The following TXNDC16 variants were observed in gnomAD, a reference collection of about 807,000 sequenced individuals.
TXNDC16 encodes thioredoxin domain containing 16.
Under a neutral mutation model 85.6 loss-of-function variants are expected in TXNDC16, and 74 were observed. The observed-to-expected ratio is 0.86, with a 90% CI of 0.72 to 1.05. TXNDC16 has a LOEUF of 1.05. Ranked by LOEUF, TXNDC16 falls within the 50% of genes least tolerant of loss-of-function variation. The pLI, the probability that TXNDC16 is intolerant of heterozygous loss-of-function variation, is 0.00. For missense variants in TXNDC16, 959 were observed against 947.0 expected, an observed-to-expected ratio of 1.01 and a Z score of -0.17; for synonymous variants, 335 against 326.5, an observed-to-expected ratio of 1.03 and a Z score of -0.28.
At chr14:52,535,545 G>C (rs1213914272) in intron 6 of TXNDC16, among the ~76,000 whole-genome samples, 2 of 152,098 alleles carry the variant, frequency 1.3e-5, no homozygotes, top group African/African-American at 4.8e-5. Context: ...TGTCAGCAAA[G>C]GTCTTAGTGG....
chr14:52,484,783 A>G, intron 12 of TXNDC16, among the ~76,000 whole-genome samples: 1 of 152,168 alleles, frequency 6.6e-6, no homozygotes, highest in Non-Finnish European at 1.5e-5. Context: ...TGGGAGGCTG[A>G]GGCAGAACAA....
At chr14:52,530,324 T>TATATATAATA in intron 6 of TXNDC16, among the ~76,000 whole-genome samples, 1 of 51,214 alleles carries the variant, frequency 2.0e-5, no homozygotes, top group South Asian at 9.3e-4. Context: ...ATATAATTAT[T>TATATATAATA]TTTATATTAT....
At chr14:52,470,322 T>A (rs1157330972) in intron 15 of TXNDC16, 149 bp from the exon 16 acceptor site, 1 of 913,514 alleles carries the variant, frequency 1.1e-6, no homozygotes, top group African/African-American at 1.7e-5. Context: ...TTAAAGAAAA[T>A]CAGACTCATT....
chr14:52,498,566 C>A (rs544698070), intron 9 of TXNDC16, among the ~76,000 whole-genome samples: 4 of 151,850 alleles, frequency 2.6e-5, no homozygotes, highest in Admixed American at 2.0e-4. Context: ...ATCCCATTTA[C>A]AATAGCATTG....
At chr14:52,549,525 T>TTG (rs1397660538) in intron 1 of TXNDC16, among the ~76,000 whole-genome samples, 3 of 152,202 alleles carry the variant, frequency 2.0e-5, no homozygotes, top group African/African-American at 7.2e-5. Flanking sequence ...GGATTTGCCT[T>TTG]TGTGTTCCTT....
intron 6 of TXNDC16, among the ~76,000 whole-genome samples, chr14:52,525,344 A>G (rs886455927): frequency 8.5e-5 from 13 of 152,122 alleles, no homozygotes; most frequent in Non-Finnish European, 1.9e-4. Context: ...GGCTGCAAGT[A>G]TAACACATAA....
At position 52,490,909 on chromosome 14, in the gene TXNDC16, C is replaced by T. The variant is rs2036385972; in HGVS notation, c.853G>A (p.Ala285Thr). The change falls in exon 10 of 21, where the codon GCT (alanine) becomes ACT (threonine). Residue 285 changes from alanine to threonine, a missense_variant. Transcript: ENST00000281741. ...FIVSQQATYEADRRTAEWVAW... is the reference protein window; with the variant it reads ...FIVSQQATYETDRRTAEWVAW... ...ACCCATTCTGCAGTTCTTCTATCAG[C>T]TTCATAAGTAGCCTGTTGGCTAACA... is the stretch of plus-strand genomic sequence containing the variant. The T allele has an allele frequency of 6.2e-7, 1 of 1,612,452 alleles. No homozygotes were observed. The highest frequency in any genetic ancestry group is 1.7e-5 in the Admixed American group (1 of 59,756).
chr14:52,512,574 C>T (rs59100737), intron 8 of TXNDC16, among the ~76,000 whole-genome samples: 14,645 of 152,104 alleles, frequency 0.096, 798 homozygotes, highest in East Asian at 0.17. Context: ...CTAGTTAAGG[C>T]TGGACTCCAT....
Position 52,537,635 on chromosome 14 carries a change from C to T in TXNDC16, c.281G>A (p.Gly94Glu). 1 of 1,594,100 alleles carries T rather than the reference C, an allele frequency of 6.3e-7. No individual in the cohort carries two copies. Among genetic ancestry groups the T allele is most frequent in the Non-Finnish European group, 8.6e-7 (1 of 1,163,846 alleles). Reference sequence around the variant, plus strand: ...TGCTTTCATCAAATCCTTTTCTTTTCCACAGTATCTTGATATTTCTTCTTT... The same window carrying T: ...TGCTTTCATCAAATCCTTTTCTTTTTCACAGTATCTTGATATTTCTTCTTT... ...CVKEEISRYC[G>E]KEKDLMKAYL... Residue 94 changes from glycine (G) to glutamate (E), a missense_variant, in exon 5 of 21, where the codon GGA (glycine) becomes GAA (glutamate). By Grantham distance (98) the Gly-to-Glu change is moderately conservative (BLOSUM62 -2). Transcript: ENST00000281741.
intron 1 of TXNDC16, among the ~76,000 whole-genome samples, chr14:52,545,606 G>A (rs958519062): frequency 2.6e-5 from 4 of 152,156 alleles, no homozygotes; most frequent in African/African-American, 4.8e-5. Context: ...TGCAGCTAGG[G>A]TGGGAAAATA....
intron 9 of TXNDC16, among the ~76,000 whole-genome samples, chr14:52,499,136 T>C (rs1281268177): frequency 6.6e-6 from 1 of 152,094 alleles, no homozygotes; most frequent in Non-Finnish European, 1.5e-5. Context: ...AGAATGAAAA[T>C]GGACCCTTAT....
intron 6 of TXNDC16, among the ~76,000 whole-genome samples, chr14:52,535,170 AGCT>A (rs1376772361): frequency 3.9e-5 from 6 of 152,202 alleles, no homozygotes; most frequent in Admixed American, 3.9e-4. Flanking sequence ...CCGGAAAAAC[AGCT>A]GCTAACTAGT....
At chr14:52,485,318 C>T (rs971694317) in intron 12 of TXNDC16, among the ~76,000 whole-genome samples, 4 of 152,076 alleles carry the variant, frequency 2.6e-5, no homozygotes, top group African/African-American at 9.7e-5. Context: ...TTTTGTACAG[C>T]TGTATGATGT....
At chr14:52,500,730 ATCTT>A (rs1364951196) in intron 9 of TXNDC16, among the ~76,000 whole-genome samples, 20 of 152,234 alleles carry the variant, frequency 1.3e-4, no homozygotes, top group Non-Finnish European at 2.2e-4. Context: ...TCATAACAGC[ATCTT>A]TCTAATTTCC....
At chr14:52,435,549 T>A (rs558102914) in intron 20 of TXNDC16, among the ~76,000 whole-genome samples, 1 of 152,266 alleles carries the variant, frequency 6.6e-6, no homozygotes, top group East Asian at 1.9e-4. Flanking sequence ...AAATATTGAA[T>A]TTAATTAATT....
intron 19 of TXNDC16, among the ~76,000 whole-genome samples, chr14:52,440,010 G>A (rs764579674): frequency 1.3e-5 from 2 of 152,114 alleles, no homozygotes; most frequent in Non-Finnish European, 2.9e-5. Context: ...AGAATGCACT[G>A]TTAAACTCTT....
intron 16 of TXNDC16, among the ~76,000 whole-genome samples, chr14:52,467,412 A>T (rs1328759506): frequency 1.3e-5 from 2 of 152,218 alleles, no homozygotes; most frequent in Admixed American, 1.3e-4. Context: ...AAATATAAAT[A>T]ACCCAATTTA....
chr14:52,536,404 G>A (rs955378391), intron 6 of TXNDC16, among the ~76,000 whole-genome samples: 2 of 152,154 alleles, frequency 1.3e-5, no homozygotes, highest in African/African-American at 4.8e-5. Flanking sequence ...CCAGTCTACT[G>A]TATTTTGTTA....
intron 6 of TXNDC16, among the ~76,000 whole-genome samples, chr14:52,532,004 T>C (rs968720425): frequency 2.0e-5 from 3 of 151,820 alleles, no homozygotes; most frequent in African/African-American, 7.3e-5. Flanking sequence ...TTCTTAAAAA[T>C]CCGAAAAATG....
Sources: allele counts gnomAD v4.1 joint callset (sites outside exome capture counted in the v4.1 genomes callset), GRCh38; gene constraint gnomAD v4.1.1; transcripts MANE v1.5; gene names NCBI Gene and HGNC (gene_info 2026-07-23, HGNC 2026-07-21).